The following PACSIN1 variants were observed in gnomAD, a reference collection of about 807,000 sequenced individuals.
PACSIN1 encodes protein kinase C and casein kinase substrate in neurons protein 1.
In PACSIN1, 15 loss-of-function variants were observed where a neutral mutation model predicts 59.5. The observed-to-expected ratio is 0.25, with a 90% CI of 0.17 to 0.39. PACSIN1 has a LOEUF of 0.39. PACSIN1 is among the 10% of genes least tolerant of loss of function. The pLI is 1.00. For synonymous variants in PACSIN1, 210 were observed against 220.6 expected, an observed-to-expected ratio of 0.95 and a Z score of 0.42; for missense variants, 420 against 580.2, an observed-to-expected ratio of 0.72 and a Z score of 2.84.
intron 1 of PACSIN1, among the ~76,000 whole-genome samples, chr6:34,486,833 C>T (rs1766801654): frequency 6.6e-6 from 1 of 151,268 alleles, no homozygotes. Flanking sequence ...CCTGGCTGCA[C>T]ATTAGAATTT....
chr6:34,519,601 T>TTAA (rs1554170122), intron 1 of PACSIN1, among the ~76,000 whole-genome samples: 1 of 152,064 alleles, frequency 6.6e-6, no homozygotes, highest in Non-Finnish European at 1.5e-5. Context: ...GAGGCTCCTG[T>TTAA]CATGAAGGCT....
intron 1 of PACSIN1, among the ~76,000 whole-genome samples, chr6:34,503,040 G>A (rs1217636215): frequency 6.6e-6 from 1 of 152,078 alleles, no homozygotes; most frequent in Non-Finnish European, 1.5e-5. Context: ...CACTGCATTT[G>A]GAATCCAAAA....
At chr6:34,471,093 C>T (rs888140956) in intron 1 of PACSIN1, among the ~76,000 whole-genome samples, 4 of 152,008 alleles carry the variant, frequency 2.6e-5, no homozygotes, top group Admixed American at 6.6e-5. Context: ...TTACAGGTGC[C>T]GGCCACCACA....
At chr6:34,507,700 T>A (rs1472492308) in intron 1 of PACSIN1, among the ~76,000 whole-genome samples, 1 of 152,184 alleles carries the variant, frequency 6.6e-6, no homozygotes, top group Non-Finnish European at 1.5e-5. Context: ...GAATAGCAGC[T>A]CCCCATTTCT....
chr6:34,506,748 C>A (rs141929490), intron 1 of PACSIN1, among the ~76,000 whole-genome samples: 60 of 152,184 alleles, frequency 3.9e-4, no homozygotes, highest in African/African-American at 1.4e-3. Flanking sequence ...TCCCTCCCTG[C>A]GTGGGAAGGG....
Position 34,509,338 on chromosome 6 carries a change from T to G in PACSIN1, c.-63-16905T>G, listed in dbSNP as rs148179252. 2.7e-3 allele frequency among the ~76,000 whole-genome samples: 405 copies of G among 152,344 alleles called. 3 individuals are homozygous for G. Among genetic ancestry groups the G allele is most frequent in the Non-Finnish European group, 4.9e-3 (335 of 68,024 alleles). ...ACTGAAGATCTGTTGATCATATATG[T>G]ATGGGTTTATTTCTGGGATCTTCAT... On this transcript the variant is annotated intron_variant, in intron 1 of 9. Transcript: ENST00000244458.
At chr6:34,511,536 A>T (rs900451095) in intron 1 of PACSIN1, among the ~76,000 whole-genome samples, 1 of 152,082 alleles carries the variant, frequency 6.6e-6, no homozygotes, top group Admixed American at 6.6e-5. Flanking sequence ...CAGTGATTGT[A>T]ATATTTGTTG....
intron 1 of PACSIN1, among the ~76,000 whole-genome samples, chr6:34,524,965 T>C (rs1232103127): frequency 6.6e-6 from 1 of 152,228 alleles, no homozygotes; most frequent in Non-Finnish European, 1.5e-5. Context: ...TAGAAGGGAC[T>C]GTGGCCCCAG....
At position 34,515,465 on chromosome 6, in the gene PACSIN1, A is replaced by G. The variant is rs1167099544; in HGVS notation, c.-63-10778A>G. Among the ~76,000 whole-genome samples the G allele has an allele frequency of 6.6e-6, 1 of 151,924 alleles. No individual in the cohort carries two copies. Among genetic ancestry groups the G allele is most frequent in the Non-Finnish European group, 1.5e-5 (1 of 67,942 alleles). Reference sequence around the variant, plus strand: ...GGAGGAGTAAGGATGCCCCTGCCCCACTCAAGGCACTGCTAGGCTCTGGCC... The same window carrying G: ...GGAGGAGTAAGGATGCCCCTGCCCCGCTCAAGGCACTGCTAGGCTCTGGCC... On this transcript the variant is annotated intron_variant, in intron 1 of 9. Transcript: ENST00000244458. This position sits in a 1 kb window ranked among gnomAD's most constrained non-coding sequence, Gnocchi z 4.4.
chr6:34,508,100 T>TGTTTGTTTGTTTGTTTGTTTG (rs145011394), intron 1 of PACSIN1, among the ~76,000 whole-genome samples: 1,551 of 138,186 alleles, frequency 0.011, 24 homozygotes, highest in African/African-American at 0.038. Flanking sequence ...GGTAGTTCTT[T>TGTTTGTTTGTTTGTTTGTTTG]TTTTGTTTGT....
intron 1 of PACSIN1, among the ~76,000 whole-genome samples, chr6:34,519,893 T>A (rs1741281992): frequency 6.6e-6 from 1 of 152,156 alleles, no homozygotes; most frequent in African/African-American, 2.4e-5. Flanking sequence ...AATCAGCTTT[T>A]TGGGACAGCA....
intron 1 of PACSIN1, among the ~76,000 whole-genome samples, chr6:34,484,533 T>C (rs1766764780): frequency 1.3e-5 from 2 of 152,164 alleles, no homozygotes; most frequent in South Asian, 4.1e-4. Flanking sequence ...GGTAGATACA[T>C]GTCATCAACA....
At chr6:34,475,607 T>C (rs903389994) in intron 1 of PACSIN1, among the ~76,000 whole-genome samples, 8 of 152,138 alleles carry the variant, frequency 5.3e-5, no homozygotes, top group Non-Finnish European at 1.2e-4. Flanking sequence ...GGGAAGGGCC[T>C]AGCCTCCCCC....
chr6:34,526,163 T>G, intron 1 of PACSIN1, 80 bp from the exon 2 acceptor site: 1 of 642,966 alleles, frequency 1.6e-6, no homozygotes, highest in Non-Finnish European at 2.7e-6. Flanking sequence ...TCCCATCGGT[T>G]TGGGGACCCA....
chr6:34,532,801 C>A lies in PACSIN1; in HGVS notation c.*271C>A. 2.5e-6 allele frequency: 1 copy of A among 394,572 alleles called. No individual in the cohort carries two copies. The highest frequency in any genetic ancestry group is 3.3e-5 in the South Asian group (1 of 30,536). The allele number at this position is 394,572 out of a possible 1,614,324, so 24.4% of individuals were successfully genotyped here. On this transcript the variant is annotated 3_prime_UTR_variant, in exon 10 of 10. Coordinates refer to ENST00000244458, the MANE Select transcript of PACSIN1 (RefSeq NM_020804.5). This position sits in a 1 kb window ranked among gnomAD's most constrained non-coding sequence, Gnocchi z 5.2. ...CATCACAACATCTGCTCTTCGGGTT[C>A]CACCAAAGAGTCTCCTGAGCCCTGA...
chr6:34,501,669 G>A (rs1003990510), intron 1 of PACSIN1, among the ~76,000 whole-genome samples: 1 of 152,192 alleles, frequency 6.6e-6, no homozygotes, highest in African/African-American at 2.4e-5. Flanking sequence ...GATAGGACCT[G>A]TTCTCAAGGT....
At position 34,529,583 on chromosome 6, in the gene PACSIN1, T is replaced by A. The variant is rs950994586; in HGVS notation, c.612+31T>A. 6.2e-7 allele frequency: 1 copy of A among 1,606,760 alleles called. No individual in the cohort carries two copies. The highest frequency in any genetic ancestry group is 1.4e-5 in the African/African-American group (1 of 72,616). Reference sequence around the variant, plus strand: ...GGCGGGCAGGGATGGCAGTAGGGGGTCTGGGGGCCCCTTGCAGAGGGTGGT... The same window carrying A: ...GGCGGGCAGGGATGGCAGTAGGGGGACTGGGGGCCCCTTGCAGAGGGTGGT... On this transcript the variant is annotated intron_variant, in intron 5 of 9. Coordinates refer to ENST00000244458, the MANE Select transcript of PACSIN1 (RefSeq NM_020804.5). This position sits in a 1 kb window ranked among gnomAD's most constrained non-coding sequence, Gnocchi z 6.3.
chr6:34,500,009 T>C (rs898646876), intron 1 of PACSIN1, among the ~76,000 whole-genome samples: 5 of 152,174 alleles, frequency 3.3e-5, no homozygotes, highest in African/African-American at 9.7e-5. Context: ...GCAAATCCTA[T>C]GTCTAATGAG....
rs1429526859 is a variant in PACSIN1 at position 34,529,889 on chromosome 6, G to A, written c.788+48G>A. 1.3e-6 allele frequency: 2 copies of A among 1,580,244 alleles called. No individual in the cohort carries two copies. Among genetic ancestry groups the A allele is most frequent in the Admixed American group, 3.5e-5 (2 of 57,694 alleles). ...GAGGGCACAGGCACAGCCAGCAGAT[G>A]GTGTGACTGGCATGCAGGGCATCCC... On this transcript the variant is annotated intron_variant, in intron 6 of 9. Transcript: ENST00000244458. This position sits in a 1 kb window ranked among gnomAD's most constrained non-coding sequence, Gnocchi z 6.3.
Sources: gnomAD v4.1 joint callset for allele counts (sites outside exome capture counted in the v4.1 genomes callset) on GRCh38, gnomAD v4.1.1 for gene constraint, Gnocchi (gnomAD v3.1) non-coding constraint, MANE v1.5 for transcripts, NCBI Gene and HGNC (gene_info 2026-07-23, HGNC 2026-07-21) for gene names.